Variants in GHR observed in about 807,000 individuals in gnomAD.
The protein encoded by GHR is GH receptor.
In GHR, 35 loss-of-function variants were observed where a neutral mutation model predicts 67.1. The ratio of observed to expected loss-of-function variants is 0.52; its 90% CI spans 0.40 to 0.69. The LOEUF is 0.69. GHR is among the 30% of genes least tolerant of loss of function. GHR has a pLI of 0.00. For missense variants in GHR, 792 were observed against 764.6 expected, an observed-to-expected ratio of 1.04 and a Z score of -0.42; for synonymous variants, 272 against 269.1, an observed-to-expected ratio of 1.01 and a Z score of -0.10.
In GHR at chr5:42,424,659, AT is replaced by A. The variant is rs1289847367; in HGVS notation, c.-12+705del. ...CTTTTGACACACTAGTGGTTGTAAA[AT>A]CAACCAGGCTTAAAGTTTTGACAGA... On this transcript the variant is annotated intron_variant, in intron 1 of 9. Coordinates refer to ENST00000230882, the MANE Select transcript of GHR (RefSeq NM_000163.5). The surrounding 1 kb of genome is among the most constrained non-coding windows in gnomAD (Gnocchi z 4.1). The A allele has an allele frequency of 9.7e-6, 14 of 1,441,224 alleles. No homozygotes were observed. Among genetic ancestry groups the A allele is most frequent in the Admixed American group, 2.0e-5 (1 of 50,874 alleles). 89.3% of individuals were successfully genotyped at this position (1,441,224 alleles called of 1,614,324 possible).
chr5:42,507,342 GT>G, intron 1 of GHR, among the ~76,000 whole-genome samples: 1 of 152,318 alleles, frequency 6.6e-6, no homozygotes, highest in Non-Finnish European at 1.5e-5. Flanking sequence ...CCTTTCTGAA[GT>G]TTTTAAAATT....
chr5:42,662,687 T>G (rs1236970688), intron 3 of GHR, among the ~76,000 whole-genome samples: 1 of 151,792 alleles, frequency 6.6e-6, no homozygotes, highest in African/African-American at 2.4e-5. Flanking sequence ...AACATCACAA[T>G]TAAAAGAACT....
chr5:42,445,783 G>A (rs1049246608), intron 1 of GHR, among the ~76,000 whole-genome samples: 4 of 152,222 alleles, frequency 2.6e-5, no homozygotes, highest in South Asian at 2.1e-4. Context: ...AGTATGCTTC[G>A]ATAAGAAAGC....
At chr5:42,595,658 G>A (rs986687587) in intron 2 of GHR, among the ~76,000 whole-genome samples, 1 of 152,256 alleles carries the variant, frequency 6.6e-6, no homozygotes, top group African/African-American at 2.4e-5. Flanking sequence ...TGATCCATTT[G>A]AGTGGGACTG....
At chr5:42,553,720 G>A (rs1160994996) in intron 1 of GHR, among the ~76,000 whole-genome samples, 2 of 152,220 alleles carry the variant, frequency 1.3e-5, no homozygotes, top group Admixed American at 1.3e-4. Flanking sequence ...AATCTTGCGG[G>A]GGATCTTTTA....
chr5:42,529,155 G>T (rs1027878805), intron 1 of GHR, among the ~76,000 whole-genome samples: 5 of 151,892 alleles, frequency 3.3e-5, no homozygotes, highest in Admixed American at 6.6e-5. Flanking sequence ...GGAACTACAG[G>T]TGCCCACCAC....
intron 3 of GHR, among the ~76,000 whole-genome samples, chr5:42,645,466 A>G (rs1271934238): frequency 5.9e-5 from 9 of 152,256 alleles, no homozygotes; most frequent in South Asian, 4.1e-4. Context: ...AAGATAACCA[A>G]TAGGCTTTTT....
chr5:42,579,074 T>TATAG (rs6149005), intron 2 of GHR, among the ~76,000 whole-genome samples: 1,534 of 123,666 alleles, frequency 0.012, 20 homozygotes, highest in East Asian at 0.031. Flanking sequence ...AATCTGACAC[T>TATAG]ATAGATAGAT....
chr5:42,720,972 G>C lies in GHR; in HGVS notation c.*1548G>C, dbSNP rs1158848237. 6.6e-6 allele frequency: 1 copy of C among 152,362 alleles called. No homozygotes were observed. Among genetic ancestry groups the C allele is most frequent in the Non-Finnish European group, 1.5e-5 (1 of 68,218 alleles). 9.4% of individuals were successfully genotyped at this position (152,362 alleles called of 1,614,324 possible). A position where few individuals can be genotyped will look rare whatever the true frequency, so the allele number is the denominator to read the frequency against. On this transcript the variant is annotated 3_prime_UTR_variant, in exon 10 of 10. Coordinates refer to ENST00000230882, the MANE Select transcript of GHR (RefSeq NM_000163.5). Reference sequence around the variant, plus strand: ...AGAGTCTCGCTCTGTCGCCAGGCTAGAGTGCGGTGGCGCGATCTTGACTCA... The same window carrying C: ...AGAGTCTCGCTCTGTCGCCAGGCTACAGTGCGGTGGCGCGATCTTGACTCA...
At position 42,693,516 on chromosome 5, in the gene GHR, C is replaced by T. The variant is rs1024184339; in HGVS notation, c.267-1401C>T. Among the ~76,000 whole-genome samples the T allele has an allele frequency of 3.9e-5, 6 of 152,266 alleles. No individual in the cohort carries two copies. In the East Asian group the frequency reaches 1.2e-3, roughly 29 times the overall value. On this transcript the variant is annotated intron_variant, in intron 4 of 9. Coordinates refer to ENST00000230882, the MANE Select transcript of GHR (RefSeq NM_000163.5). The stretch of plus-strand genomic sequence containing the variant: ...ACCCTGGAGTCTCTGCCATTTAAAT[C>T]CCAATTTCCTTCCAACAGCTGAGGA...
chr5:42,717,988 T>C lies in GHR; in HGVS notation c.876-64T>C, dbSNP rs1377563560. The C allele has an allele frequency of 3.7e-6, 3 of 800,574 alleles. No individual in the cohort carries two copies. In the East Asian group the frequency reaches 7.4e-5, roughly 20 times the overall value. The allele number at this position is 800,574 out of a possible 1,614,324, so 49.6% of individuals were successfully genotyped here. A position where few individuals can be genotyped will look rare whatever the true frequency, so the allele number is the denominator to read the frequency against. On this transcript the variant is annotated intron_variant, in intron 8 of 9. Transcript: ENST00000230882. ...TATTGCCAATATTTTATTTCTATCT[T>C]TTGCTATAATTGAGAATATGTAGCT...
chr5:42,618,978 T>C (rs1329672894), intron 2 of GHR, among the ~76,000 whole-genome samples: 1 of 152,058 alleles, frequency 6.6e-6, no homozygotes, highest in East Asian at 1.9e-4. Flanking sequence ...TAATATGTCT[T>C]GAAAAAACAA....
rs994985343 is a variant in GHR, at chr5:42,597,202, C to T, written c.70+31258C>T. Among the ~76,000 whole-genome samples the T allele has an allele frequency of 1.1e-4, 16 of 152,096 alleles. 1 individual carries two copies. The highest frequency in any genetic ancestry group is 6.8e-3 in the Middle Eastern group (2 of 294). ...TGTGATTGAAAGTAGAGTTTGGAAGCGAGGCACAGTAGCCCACTGTTATGT... is the reference window on the plus strand; with the variant it reads ...TGTGATTGAAAGTAGAGTTTGGAAGTGAGGCACAGTAGCCCACTGTTATGT... On this transcript the variant is annotated intron_variant, in intron 2 of 9. Transcript: ENST00000230882.
chr5:42,476,988 C>T (rs1745357757), intron 1 of GHR, among the ~76,000 whole-genome samples: 1 of 151,418 alleles, frequency 6.6e-6, no homozygotes, highest in Non-Finnish European at 1.5e-5. Flanking sequence ...CCCATTAACT[C>T]GTCATTTAGC....
At chr5:42,500,468 G>T (rs1746494683) in intron 1 of GHR, among the ~76,000 whole-genome samples, 1 of 152,186 alleles carries the variant, frequency 6.6e-6, no homozygotes, top group Admixed American at 6.6e-5. Context: ...TACTTAACAG[G>T]GTTGTTACGA....
intron 3 of GHR, among the ~76,000 whole-genome samples, chr5:42,652,980 C>T (rs1755082234): frequency 6.6e-6 from 1 of 152,036 alleles, no homozygotes; most frequent in Non-Finnish European, 1.5e-5. Flanking sequence ...GGGCATGGTG[C>T]TTTCCATCTC....
chr5:42,428,387 G>A (rs564009075), intron 1 of GHR, among the ~76,000 whole-genome samples: 42 of 152,248 alleles, frequency 2.8e-4, no homozygotes, highest in African/African-American at 7.5e-4. Flanking sequence ...TTTTTCCCTC[G>A]TAGGCCTCTG....
intron 1 of GHR, among the ~76,000 whole-genome samples, chr5:42,455,409 T>A (rs1341022217): frequency 6.6e-6 from 1 of 152,222 alleles, no homozygotes; most frequent in Non-Finnish European, 1.5e-5. Flanking sequence ...CTGCCTGCTA[T>A]CTGCCATCTT....
intron 1 of GHR, among the ~76,000 whole-genome samples, chr5:42,488,138 A>G (rs1370941746): frequency 6.6e-6 from 1 of 152,192 alleles, no homozygotes; most frequent in East Asian, 1.9e-4. Context: ...TCATCATACA[A>G]TGTATCTATT....
Sources: allele counts gnomAD v4.1 joint callset (sites outside exome capture counted in the v4.1 genomes callset), GRCh38; gene constraint gnomAD v4.1.1; non-coding constraint Gnocchi (gnomAD v3.1); transcripts MANE v1.5; gene names NCBI Gene and HGNC (gene_info 2026-07-23, HGNC 2026-07-21).